Variants in MRTFA observed in about 807,000 individuals in gnomAD.
MRTFA encodes myocardin related transcription factor A, also known as myocardin-related transcription factor A.
A neutral mutation model predicts 83.5 loss-of-function variants in MRTFA; 20 were observed. The ratio of observed to expected loss-of-function variants is 0.24; its 90% confidence interval spans 0.17 to 0.35. The LOEUF (loss-of-function observed/expected upper bound fraction) is 0.35. MRTFA is among the 10% of genes least tolerant of loss of function. MRTFA has a pLI of 1.00. For missense variants in MRTFA, 1,200 were observed against 1,224.7 expected (o/e 0.98, Z 0.30); for synonymous variants, 659 against 541.2 (o/e 1.22, Z -3.02).
At chr22:40,560,627 A>C (rs1002391917) in intron 2 of MRTFA, among the ~76,000 whole-genome samples, 1 of 152,224 alleles carries the variant, frequency 6.6e-6, no homozygotes, top group Non-Finnish European at 1.5e-5. Flanking sequence ...TTATAACTCT[A>C]CTGAGTCTAA....
intron 3 of MRTFA, among the ~76,000 whole-genome samples, chr22:40,547,361 A>G (rs1052771858): frequency 6.6e-6 from 1 of 152,058 alleles, no homozygotes; most frequent in Non-Finnish European, 1.5e-5. Flanking sequence ...TTGAAGAAAA[A>G]GCAGGATCAA....
intron 3 of MRTFA, among the ~76,000 whole-genome samples, chr22:40,518,618 C>T (rs1055161337): frequency 1.3e-5 from 2 of 151,526 alleles, no homozygotes; most frequent in South Asian, 4.2e-4. Context: ...AAGGTGAAAC[C>T]CCGTCTCTAC....
At chr22:40,527,081 A>C (rs1225622855) in intron 3 of MRTFA, among the ~76,000 whole-genome samples, 2 of 151,992 alleles carry the variant, frequency 1.3e-5, no homozygotes, top group African/African-American at 4.8e-5. Flanking sequence ...AACCATGATC[A>C]CACTACTGCA....
intron 3 of MRTFA, among the ~76,000 whole-genome samples, chr22:40,496,154 T>C (rs1373692929): frequency 1.3e-5 from 2 of 152,158 alleles, no homozygotes; most frequent in South Asian, 2.1e-4. Flanking sequence ...CTCTACCACT[T>C]AGCAGCTGCT....
chr22:40,442,522 C>T (rs2053295744), intron 4 of MRTFA, among the ~76,000 whole-genome samples: 1 of 151,426 alleles, frequency 6.6e-6, no homozygotes, highest in Admixed American at 6.6e-5. Context: ...TCCATCCATC[C>T]CTCCATCTGC....
chr22:40,419,134 G>C lies in MRTFA; in HGVS notation c.1604C>G (p.Thr535Arg), dbSNP rs1006923794. The C allele has an allele frequency of 1.3e-6, 2 of 1,587,630 alleles. No homozygotes were observed. Among genetic ancestry groups the C allele is most frequent in the East Asian group, 2.3e-5 (1 of 43,068 alleles). Residue 535 changes from threonine (T) to arginine (R), a missense_variant, in exon 12 of 15, where the codon ACG (threonine) becomes AGG (arginine). Physicochemically the swap from Thr to Arg is moderately conservative, Grantham distance 71 (BLOSUM62 -1). Transcript: ENST00000355630. Reference sequence around the variant, plus strand: ...CTTCACCACCCCACTGCTGGCCACCGTGGCCACCACCACCTCAGCTGGAGC... The same window carrying C: ...CTTCACCACCCCACTGCTGGCCACCCTGGCCACCACCACCTCAGCTGGAGC...
intron 1 of MRTFA, among the ~76,000 whole-genome samples, chr22:40,607,337 T>C (rs1020993307): frequency 7.2e-5 from 11 of 152,068 alleles, no homozygotes; most frequent in African/African-American, 2.4e-4. Flanking sequence ...ACCCCATCTC[T>C]ACTAAAAATA....
At chr22:40,543,841 T>TTAAAA (rs1163419135) in intron 3 of MRTFA, among the ~76,000 whole-genome samples, 1 of 152,170 alleles carries the variant, frequency 6.6e-6, no homozygotes, top group Non-Finnish European at 1.5e-5. Context: ...CCTGAGTAAT[T>TTAAAA]TTATATGGAA....
intron 4 of MRTFA, among the ~76,000 whole-genome samples, chr22:40,457,498 G>C (rs2147141461): frequency 1.3e-5 from 2 of 151,260 alleles, no homozygotes; most frequent in South Asian, 4.2e-4. Context: ...AGGAAAGAAA[G>C]AAAGAGAAAG....
At chr22:40,505,667 A>AT (rs1316279487) in intron 3 of MRTFA, among the ~76,000 whole-genome samples, 4 of 152,232 alleles carry the variant, frequency 2.6e-5, no homozygotes, top group Non-Finnish European at 2.9e-5. Flanking sequence ...TAAAGCCCTT[A>AT]TTAAAGAGGC....
intron 3 of MRTFA, among the ~76,000 whole-genome samples, chr22:40,474,695 A>G (rs12159787): frequency 0.14 from 21,754 of 152,160 alleles, 1,853 homozygotes; most frequent in East Asian, 0.24. Flanking sequence ...TGAAGGCCCC[A>G]CCTTCAGTGA....
intron 4 of MRTFA, among the ~76,000 whole-genome samples, chr22:40,453,304 G>T (rs1177442598): frequency 6.6e-6 from 1 of 152,170 alleles, no homozygotes; most frequent in Non-Finnish European, 1.5e-5. Flanking sequence ...GCCTCTTAAA[G>T]AATGAAAAGA....
chr22:40,417,375 T>C lies in MRTFA; in HGVS notation c.2483A>G (p.Tyr828Cys), dbSNP rs555146744. 2.5e-6 allele frequency: 4 copies of C among 1,611,636 alleles called. No individual in the cohort carries two copies. The highest frequency in any genetic ancestry group is 1.7e-5 in the Admixed American group (1 of 59,942). ...GGGCTGCTGGCTCATGGCTTCCTCA[T>C]AGCCAGGTGGTTCCTTCTTCAGCAG... The change falls in exon 13 of 15, where the codon TAT becomes TGT. Residue 828 changes from tyrosine (Y) to cysteine (C), a missense_variant. Around this residue, in one of 2 missense-constraint regions of MRTFA, gnomAD observed 1,107 missense variants for 1,041.8 expected, o/e 1.06. Coordinates refer to ENST00000355630, the MANE Select transcript of MRTFA (RefSeq NM_020831.6).
chr22:40,449,376 A>G (rs542365220), intron 4 of MRTFA, among the ~76,000 whole-genome samples: 119 of 152,282 alleles, frequency 7.8e-4, no homozygotes, highest in African/African-American at 2.8e-3. Context: ...TGGGAAGAAG[A>G]GAATAAAAAT....
chr22:40,534,412 C>T (rs1037639605), intron 3 of MRTFA, among the ~76,000 whole-genome samples: 1 of 152,154 alleles, frequency 6.6e-6, no homozygotes, highest in Non-Finnish European at 1.5e-5. Flanking sequence ...ATTAGACATA[C>T]GGTCTGTGAA....
chr22:40,579,584 G>C (rs1014352674), intron 2 of MRTFA, among the ~76,000 whole-genome samples: 1 of 152,102 alleles, frequency 6.6e-6, no homozygotes, highest in African/African-American at 2.4e-5. Context: ...TGCTGGCCAG[G>C]CGTGGTGGCT....
At chr22:40,504,946 T>A (rs928954435) in intron 3 of MRTFA, among the ~76,000 whole-genome samples, 1 of 152,244 alleles carries the variant, frequency 6.6e-6, no homozygotes, top group Admixed American at 6.5e-5. Flanking sequence ...AGGATAAAGT[T>A]TCCTCTTATT....
chr22:40,415,532 G>C (rs2052660056), intron 14 of MRTFA: 1 of 152,588 alleles, frequency 6.6e-6, no homozygotes, highest in Admixed American at 6.5e-5. Context: ...TGAAGCCACT[G>C]AGACACTCAA....
At chr22:40,524,852 T>C (rs1053826143) in intron 3 of MRTFA, among the ~76,000 whole-genome samples, 5 of 152,228 alleles carry the variant, frequency 3.3e-5, no homozygotes, top group African/African-American at 1.2e-4. Context: ...TTGTCACCCA[T>C]GCTGGAGTGC....
Sources: allele counts gnomAD v4.1 joint callset (sites outside exome capture counted in the v4.1 genomes callset), GRCh38; gene constraint gnomAD v4.1.1; regional missense constraint gnomAD v4.1.1; transcripts MANE v1.5; gene names NCBI Gene and HGNC (gene_info 2026-07-23, HGNC 2026-07-21).